MKLN1: variants seen among roughly 807,000 people sequenced by gnomAD.
The protein encoded by MKLN1 is muskelin.
A neutral mutation model predicts 99.0 loss-of-function variants in MKLN1; 18 were observed. The observed-to-expected ratio is 0.18, with a 90% confidence interval of 0.13 to 0.27. The LOEUF (loss-of-function observed/expected upper bound fraction) is 0.27. MKLN1 is among the 10% of genes least tolerant of loss of function. The probability of loss-of-function intolerance (pLI) is 1.00; values close to 1 mark genes in which losing one functional copy is unlikely to be tolerated. For synonymous variants in MKLN1, 288 were observed against 293.2 expected (o/e 0.98, Z 0.18); for missense variants, 621 against 875.9 (o/e 0.71, Z 3.67).
At chr7:131,152,503 T>G (rs1584794234) in intron 2 of MKLN1, among the ~76,000 whole-genome samples, 1 of 33,924 alleles carries the variant, frequency 2.9e-5, no homozygotes, top group Non-Finnish European at 1.4e-4. Flanking sequence ...CTTTTTTTCT[T>G]TTTTTTTTTT....
At chr7:131,387,831 A>C (rs190741682) in intron 3 of MKLN1, among the ~76,000 whole-genome samples, 2 of 152,306 alleles carry the variant, frequency 1.3e-5, no homozygotes, top group East Asian at 1.9e-4. Flanking sequence ...ATGAAAAATC[A>C]GATAGCTAAT....
At chr7:131,286,934 C>T (rs1798140228) in intron 3 of MKLN1, among the ~76,000 whole-genome samples, 1 of 152,048 alleles carries the variant, frequency 6.6e-6, no homozygotes, top group Non-Finnish European at 1.5e-5. Flanking sequence ...AACAAGGCCC[C>T]ATATATACTT....
chr7:131,190,506 T>C (rs776418255), intron 2 of MKLN1, among the ~76,000 whole-genome samples: 1 of 151,982 alleles, frequency 6.6e-6, no homozygotes, highest in African/African-American at 2.4e-5. Context: ...GAAATTTCCA[T>C]GATGGAAAAT....
intron 8 of MKLN1, among the ~76,000 whole-genome samples, chr7:131,416,205 A>G (rs973758437): frequency 6.6e-6 from 1 of 152,338 alleles, no homozygotes; most frequent in Non-Finnish European, 1.5e-5. Context: ...CCTTAAATAT[A>G]AAAGTAATAT....
At chr7:131,116,888 T>C (rs1365744331) in intron 1 of MKLN1, among the ~76,000 whole-genome samples, 6 of 152,230 alleles carry the variant, frequency 3.9e-5, no homozygotes, top group Non-Finnish European at 2.9e-5. Flanking sequence ...AAGCAGGCAC[T>C]TTCTTATACT....
chr7:131,225,395 G>T (rs1460500395), intron 3 of MKLN1, among the ~76,000 whole-genome samples: 2 of 152,200 alleles, frequency 1.3e-5, no homozygotes, highest in Admixed American at 1.3e-4. Context: ...CTAAAACCAT[G>T]ACTTTGGGGG....
intron 1 of MKLN1, among the ~76,000 whole-genome samples, chr7:131,336,172 A>G (rs1187715428): frequency 6.6e-6 from 1 of 152,098 alleles, no homozygotes; most frequent in African/African-American, 2.4e-5. Context: ...TCTTTCTAGT[A>G]CATTGGCTCT....
At chr7:131,224,544 C>A (rs1472197095) in intron 3 of MKLN1, among the ~76,000 whole-genome samples, 1 of 151,538 alleles carries the variant, frequency 6.6e-6, no homozygotes, top group Non-Finnish European at 1.5e-5. Flanking sequence ...GACTCCTTCT[C>A]AAAAAATAAT....
chr7:131,250,629 G>T (rs1192414223), intron 3 of MKLN1, among the ~76,000 whole-genome samples: 3 of 152,156 alleles, frequency 2.0e-5, no homozygotes, highest in Non-Finnish European at 4.4e-5. Context: ...ACAGGAAAAA[G>T]ACATAGTCAA....
chr7:131,147,623 A>C (rs1355739406), intron 2 of MKLN1, among the ~76,000 whole-genome samples: 1 of 152,178 alleles, frequency 6.6e-6, no homozygotes, highest in African/African-American at 2.4e-5. Context: ...ACCATTTTAT[A>C]AATAAGAAAA....
intron 1 of MKLN1, among the ~76,000 whole-genome samples, chr7:131,330,401 C>T (rs1438515818): frequency 1.3e-5 from 2 of 152,238 alleles, no homozygotes; most frequent in African/African-American, 4.8e-5. Context: ...TATGATGTGC[C>T]GTCCATTTGC....
intron 1 of MKLN1, among the ~76,000 whole-genome samples, chr7:131,352,437 A>T (rs1292737477): frequency 6.6e-6 from 1 of 152,180 alleles, no homozygotes; most frequent in African/African-American, 2.4e-5. Flanking sequence ...AAATTTTTTT[A>T]AGAGAAAAAA....
intron 3 of MKLN1, among the ~76,000 whole-genome samples, chr7:131,321,560 C>T (rs115771694): frequency 2.0e-5 from 3 of 152,108 alleles, no homozygotes; most frequent in Non-Finnish European, 4.4e-5. Flanking sequence ...ACATTCTGCA[C>T]ATGTATCGCA....
At chr7:131,169,356 G>A (rs867544246) in intron 2 of MKLN1, among the ~76,000 whole-genome samples, 1 of 152,098 alleles carries the variant, frequency 6.6e-6, no homozygotes, top group African/African-American at 2.4e-5. Flanking sequence ...CCCAAATATC[G>A]TTGTATCTGA....
At chr7:131,351,525 A>G (rs1414076337) in intron 1 of MKLN1, among the ~76,000 whole-genome samples, 2 of 152,168 alleles carry the variant, frequency 1.3e-5, no homozygotes, top group East Asian at 2.0e-4. Context: ...CAGTGGCACA[A>G]TCATGGCTCA....
At chr7:131,343,488 A>G (rs1020982302) in intron 1 of MKLN1, among the ~76,000 whole-genome samples, 4 of 152,200 alleles carry the variant, frequency 2.6e-5, no homozygotes, top group Non-Finnish European at 5.9e-5. Flanking sequence ...TATTGAAGGT[A>G]GCTTGGCTGA....
At chr7:131,418,398 A>C (rs1172749151) in intron 8 of MKLN1, among the ~76,000 whole-genome samples, 1 of 150,978 alleles carries the variant, frequency 6.6e-6, no homozygotes, top group African/African-American at 2.4e-5. Context: ...AAAAAGAGAG[A>C]TAAATCAGGG....
At chr7:131,463,174 C>G in intron 12 of MKLN1, 43 bp from the exon 13 acceptor site, 2 of 1,462,254 alleles carry the variant, frequency 1.4e-6, no homozygotes, top group Non-Finnish European at 1.9e-6. Context: ...ACTAATCTAT[C>G]TAATGTGAAT....
chr7:131,457,127 A>AT, intron 12 of MKLN1, among the ~76,000 whole-genome samples: 1 of 152,064 alleles, frequency 6.6e-6, no homozygotes, highest in African/African-American at 2.4e-5. Flanking sequence ...AAAATACAAA[A>AT]TTAGCCAGGC....
Sources: allele counts gnomAD v4.1 joint callset (sites outside exome capture counted in the v4.1 genomes callset), GRCh38; gene constraint gnomAD v4.1.1; transcripts MANE v1.5; gene names NCBI Gene and HGNC (gene_info 2026-07-23, HGNC 2026-07-21).